SERPINF1: variants seen among roughly 807,000 people sequenced by gnomAD.
SERPINF1 encodes pigment epithelium-derived factor.
In SERPINF1, 29 loss-of-function variants were observed where a neutral mutation model predicts 37.3. That is an observed-to-expected ratio of 0.78 (90% CI 0.58 to 1.06). SERPINF1 has a LOEUF of 1.06. Ranked by LOEUF, SERPINF1 falls within the 50% of genes least tolerant of loss-of-function variation. SERPINF1 has a pLI of 0.00. For missense variants in SERPINF1, 553 were observed against 532.2 expected, an observed-to-expected ratio of 1.04 and a Z score of -0.38; for synonymous variants, 281 against 227.9, an observed-to-expected ratio of 1.23 and a Z score of -2.10.
chr17:1,769,831 AG>A lies in SERPINF1; in HGVS notation c.85-20del, dbSNP rs764612431. ...CTGCGAGTCCCTGAACTCAAACCCA[AG>A]ACTTCCTGTCTCCTGCCAGGGCTCC... On this transcript the variant is annotated intron_variant, in intron 2 of 7. Transcript: ENST00000254722. 2.5e-6 allele frequency: 4 copies of A among 1,614,098 alleles called. No homozygotes were observed. In the South Asian group the frequency reaches 4.4e-5, roughly 18 times the overall value.
intron 1 of SERPINF1, among the ~76,000 whole-genome samples, chr17:1,765,520 C>T (rs1056694022): frequency 6.6e-6 from 1 of 151,858 alleles, no homozygotes; most frequent in Admixed American, 6.6e-5. Context: ...TGGGGTTTCA[C>T]CATGTTGGCC....
In SERPINF1 at chr17:1,770,035, T is replaced by TCGGC; in HGVS notation, c.270_273dup (p.Leu92GlyfsTer21). On this transcript the variant is annotated frameshift_variant, in exon 3 of 8. Coordinates refer to ENST00000254722, the MANE Select transcript of SERPINF1 (RefSeq NM_002615.7). LOFTEE classifies it high-confidence loss of function. ...TCCTCTCAGTGTGGCCACGGCCCTC[T>TCGGC]CGGCCCTCTCGCTGGGTGAGTGCTC... The TCGGC allele has an allele frequency of 6.2e-7, 1 of 1,614,164 alleles. No homozygotes were observed. Among genetic ancestry groups the TCGGC allele is most frequent in the East Asian group, 2.2e-5 (1 of 44,880 alleles).
At position 1,776,510 on chromosome 17, in the gene SERPINF1, C is replaced by T. The variant is rs74341035; in HGVS notation, c.787-22C>T. On this transcript the variant is annotated intron_variant, in intron 6 of 7. Transcript: ENST00000254722. Reference sequence around the variant, plus strand: ...CTTTTGGGCTCTGAAGGACTAACCACATGCTTTCTCACTTGTCTCAGATTG... The same window carrying T: ...CTTTTGGGCTCTGAAGGACTAACCATATGCTTTCTCACTTGTCTCAGATTG... The T allele has an allele frequency of 3.1e-3, 5,033 of 1,612,766 alleles. 137 individuals are homozygous for T. In the African/African-American group the frequency reaches 0.059, roughly 19 times the overall value.
chr17:1,774,049 T>G (rs939466486), intron 5 of SERPINF1, among the ~76,000 whole-genome samples: 2 of 152,184 alleles, frequency 1.3e-5, no homozygotes, highest in African/African-American at 4.8e-5. Context: ...TTCCAGAGCG[T>G]CAGCCAGTTA....
intron 1 of SERPINF1, among the ~76,000 whole-genome samples, chr17:1,765,665 A>G (rs1907328631): frequency 6.6e-6 from 1 of 152,018 alleles, no homozygotes; most frequent in South Asian, 2.1e-4. Flanking sequence ...CCATTTTACA[A>G]GAGAAAAAAT....
intron 1 of SERPINF1, among the ~76,000 whole-genome samples, chr17:1,763,722 C>T (rs1195533807): frequency 6.6e-6 from 1 of 152,228 alleles, no homozygotes; most frequent in Non-Finnish European, 1.5e-5. Flanking sequence ...TCGGGGCCAC[C>T]TTTGGACCCA....
chr17:1,768,796 T>C (rs995702276), intron 2 of SERPINF1, among the ~76,000 whole-genome samples: 5 of 150,618 alleles, frequency 3.3e-5, no homozygotes, highest in Non-Finnish European at 7.4e-5. Context: ...TATATTTATA[T>C]TTATTTTTAT....
intron 1 of SERPINF1, among the ~76,000 whole-genome samples, chr17:1,765,752 G>A (rs992028820): frequency 2.6e-5 from 4 of 151,838 alleles, no homozygotes; most frequent in Admixed American, 2.0e-4. Context: ...AGCTACTCAC[G>A]AGGCTGAGGC....
intron 4 of SERPINF1, 102 bp downstream of exon 4, chr17:1,771,286 T>C (rs1157013720): frequency 1.6e-6 from 2 of 1,259,500 alleles, no homozygotes; most frequent in African/African-American, 1.5e-5. Context: ...TCTCGCTCTG[T>C]TGCCCAGGCT....
In SERPINF1 at chr17:1,776,732, G is replaced by A. The variant is rs778478300; in HGVS notation, c.987G>A (p.Leu329=). 1.9e-6 allele frequency: 3 copies of A among 1,613,258 alleles called. No individual in the cohort carries two copies. The Admixed American group carries it at 5.0e-5, about 27-fold the overall frequency. ...LSYEGEVTKS[L]QEMKLQSLFD... Reference sequence around the variant, plus strand: ...ATGAAGGCGAAGTCACCAAGTCCCTGCAGGAGATGAGTATGTCTGAAGACC... The same window carrying A: ...ATGAAGGCGAAGTCACCAAGTCCCTACAGGAGATGAGTATGTCTGAAGACC... Residue 329 remains leucine (L), a synonymous_variant, in exon 7 of 8, where the codon CTG becomes CTA. Transcript: ENST00000254722.
chr17:1,776,774 G>A (rs1187646166), intron 7 of SERPINF1, 32 bp downstream of exon 7: 2 of 1,603,682 alleles, frequency 1.2e-6, no homozygotes, highest in Admixed American at 1.7e-5. Context: ...CTCTTGGTGG[G>A]TGGATGGGGT....
At chr17:1,762,987 A>C (rs7217442) in intron 1 of SERPINF1, 2 of 152,350 alleles carry the variant, frequency 1.3e-5, no homozygotes, top group East Asian at 1.9e-4. Flanking sequence ...GTGGGGTTGG[A>C]GGGCAGGGAG....
At chr17:1,771,303 C>T in intron 4 of SERPINF1, 119 bp downstream of exon 4, 3 of 1,093,478 alleles carry the variant, frequency 2.7e-6, no homozygotes, top group Non-Finnish European at 3.8e-6. Context: ...GGCTGGAGTG[C>T]AGTGGCGTGA....
chr17:1,765,142 C>CTA (rs1907296580), intron 1 of SERPINF1, among the ~76,000 whole-genome samples: 1 of 123,436 alleles, frequency 8.1e-6, no homozygotes. Flanking sequence ...CTGCGCCTGG[C>CTA]CTTTTTTTTT....
At chr17:1,777,065 C>T (rs978236631) in intron 7 of SERPINF1, 122 bp from the exon 8 acceptor site, 34 of 1,501,444 alleles carry the variant, frequency 2.3e-5, no homozygotes, top group Non-Finnish European at 3.0e-5. Context: ...CAGCTCAGAC[C>T]TCTTCAGGCC....
chr17:1,771,032 C>T lies in SERPINF1; in HGVS notation c.287C>T (p.Ala96Val), dbSNP rs781061700. The T allele has an allele frequency of 4.4e-5, 71 of 1,613,816 alleles. No homozygotes were observed. The highest frequency in any genetic ancestry group is 1.8e-4 in the Admixed American group (11 of 59,966). The change falls in exon 4 of 8, where the codon GCG becomes GTG. Residue 96 changes from alanine (A) to valine (V), a missense_variant. Coordinates refer to ENST00000254722, the MANE Select transcript of SERPINF1 (RefSeq NM_002615.7). ...TCCACATCCTTGTCTCTGGCAGGAG[C>T]GGAGCAGCGAACAGAATCCATCATT... ...ATALSALSLG[A>V]EQRTESIIHR... is the part of the protein sequence containing the mutation.
At position 1,771,750 on chromosome 17, in the gene SERPINF1, A is replaced by T. The variant is rs1907749521; in HGVS notation, c.440-122A>T. ...AGAAGTCCTGGCAAGTCACAGGAAGATGCTGGCTGGGAAGTCAGGGCCTGC... is the reference window on the plus strand; with the variant it reads ...AGAAGTCCTGGCAAGTCACAGGAAGTTGCTGGCTGGGAAGTCAGGGCCTGC... On this transcript the variant is annotated intron_variant, in intron 4 of 7. Transcript: ENST00000254722. The T allele has an allele frequency of 4.4e-6, 4 of 910,486 alleles. No individual in the cohort carries two copies. In the Admixed American group the frequency reaches 7.8e-5, roughly 18 times the overall value. The allele number at this position is 910,486 out of a possible 1,614,324, so 56.4% of individuals were successfully genotyped here. A position where few individuals can be genotyped will look rare whatever the true frequency, so the allele number is the denominator to read the frequency against.
chr17:1,772,001 G>T lies in SERPINF1; in HGVS notation c.569G>T (p.Gly190Val), dbSNP rs1214658429. 2.5e-6 allele frequency: 4 copies of T among 1,613,802 alleles called. No individual in the cohort carries two copies. Among genetic ancestry groups the T allele is most frequent in the Non-Finnish European group, 2.5e-6 (3 of 1,179,998 alleles). Residue 190 changes from glycine to valine, a missense_variant, in exon 5 of 8, where the codon GGG becomes GTG. Coordinates refer to ENST00000254722, the MANE Select transcript of SERPINF1 (RefSeq NM_002615.7). ...INNWVQAQMK[G>V]KLARSTKEIP... ...AACTGGGTGCAGGCGCAGATGAAAG[G>T]GAAGCTCGCCAGGTCCACAAAGGAA... is the stretch of plus-strand genomic sequence containing the variant.
chr17:1,772,404 C>T (rs891375155), intron 5 of SERPINF1, among the ~76,000 whole-genome samples: 1 of 152,024 alleles, frequency 6.6e-6, no homozygotes, highest in Non-Finnish European at 1.5e-5. Flanking sequence ...GCTTGAGCCA[C>T]CACGCCCAGC....
Sources: allele counts gnomAD v4.1 joint callset (sites outside exome capture counted in the v4.1 genomes callset), GRCh38; gene constraint gnomAD v4.1.1; transcripts MANE v1.5; gene names NCBI Gene and HGNC (gene_info 2026-07-23, HGNC 2026-07-21).